COL11A2: variants seen among roughly 807,000 people sequenced by gnomAD.
COL11A2 encodes collagen alpha-2(XI) chain.
COL11A2 carries 116 observed loss-of-function variants against 273.4 expected under a neutral mutation model. The observed-to-expected ratio is 0.42, with a 90% CI of 0.36 to 0.49. COL11A2 has a LOEUF of 0.49. Ranked by LOEUF, COL11A2 falls within the 20% of genes least tolerant of loss-of-function variation. The pLI, the probability that COL11A2 is intolerant of heterozygous loss-of-function variation, is 0.00. For synonymous variants in COL11A2, 782 were observed against 864.2 expected (o/e 0.90, Z 1.67); for missense variants, 1,866 against 2,309.0 (o/e 0.81, Z 3.93).
rs1769197913 is a variant in COL11A2, at chr6:33,166,710, C to T, written c.4338+10G>A. On this transcript the variant is annotated intron_variant, in intron 59 of 65. Transcript: ENST00000341947. The surrounding 1 kb of genome is among the most constrained non-coding windows in gnomAD (Gnocchi z 4.8). ...CCCCCACAACTTCCGGGACCATGCC[C>T]TCTACTCACCATCTCACCCTTCTGC... 6.2e-7 allele frequency: 1 copy of T among 1,613,780 alleles called. No individual in the cohort carries two copies. The highest frequency in any genetic ancestry group is 8.5e-7 in the Non-Finnish European group (1 of 1,179,986).
rs764509712 is a variant in COL11A2, at chr6:33,167,845, G to A, written c.3968C>T (p.Ala1323Val). ...TCGCCCCTCGGAACCAGGCGAGCCAGCAGGACCCTGCAGGTGGAGTGGGAA... is the reference window on the plus strand; with the variant it reads ...TCGCCCCTCGGAACCAGGCGAGCCAACAGGACCCTGCAGGTGGAGTGGGAA... ...PPGPLGKRGP[A>V]GSPGSEGRQG... is the part of the protein sequence containing the mutation. Residue 1323 changes from alanine (A) to valine (V), a missense_variant, in exon 55 of 66, where the codon GCT (alanine) becomes GTT (valine). Ala to Val is a moderately conservative substitution (Grantham distance 64, BLOSUM62 0). Transcript: ENST00000341947. The surrounding 1 kb of genome is among the most constrained non-coding windows in gnomAD (Gnocchi z 6.1). 8 of 1,612,924 alleles carry A rather than the reference G, an allele frequency of 5.0e-6. No individual in the cohort carries two copies. In the East Asian group the frequency reaches 1.8e-4, roughly 36 times the overall value.
rs772860770 is a variant in COL11A2 at position 33,173,489 on chromosome 6, G to A, written c.2682+13C>T. On this transcript the variant is annotated intron_variant, in intron 36 of 65. Coordinates refer to ENST00000341947, the MANE Select transcript of COL11A2 (RefSeq NM_080680.3). The surrounding 1 kb of genome is among the most constrained non-coding windows in gnomAD (Gnocchi z 6.3). Reference sequence around the variant, plus strand: ...AGAGAAGCGAGGTGGGTCAGAGCTCGGGGTCAACTTACCGGGGGTCCTTTC... The same window carrying A: ...AGAGAAGCGAGGTGGGTCAGAGCTCAGGGTCAACTTACCGGGGGTCCTTTC... The A allele has an allele frequency of 5.0e-5, 80 of 1,612,364 alleles. No individual in the cohort carries two copies. Among genetic ancestry groups the A allele is most frequent in the South Asian group, 8.8e-5 (8 of 91,024 alleles).
Position 33,169,617 on chromosome 6 carries a change from T to C in COL11A2, c.3691-127A>G, listed in dbSNP as rs1769745913. The C allele has an allele frequency of 7.1e-6, 8 of 1,126,490 alleles. No individual in the cohort carries two copies. In the Admixed American group the frequency reaches 9.6e-5, roughly 14 times the overall value. 69.8% of individuals were successfully genotyped at this position (1,126,490 alleles called of 1,614,324 possible). A position where few individuals can be genotyped will look rare whatever the true frequency, so the allele number is the denominator to read the frequency against. On this transcript the variant is annotated intron_variant, in intron 50 of 65. Transcript: ENST00000341947. The surrounding 1 kb of genome is among the most constrained non-coding windows in gnomAD (Gnocchi z 5.5). The stretch of plus-strand genomic sequence containing the variant: ...GTGACAATGGGACATACACAGAAAG[T>C]CAAGCCTACAAGGGGAGTTCCCTAG...
At chr6:33,184,359 G>C (rs1370725833) in intron 7 of COL11A2, 35 bp from the exon 8 acceptor site, 1 of 1,335,684 alleles carries the variant, frequency 7.5e-7, no homozygotes, top group Admixed American at 1.9e-5. Context: ...GGGTAGATGG[G>C]GATGTTAGGG....
In COL11A2 at chr6:33,172,140, G is replaced by A. The variant is rs367736116; in HGVS notation, c.2989-37C>T. ...ACATTTGGGGAAGATGAGACTTCAC[G>A]AAAAGAGAAGGGTGAGAGCTGGAGA... On this transcript the variant is annotated intron_variant, in intron 40 of 65. Transcript: ENST00000341947. 4.9e-4 allele frequency: 784 copies of A among 1,611,558 alleles called. 5 individuals are homozygous for A. The highest frequency in any genetic ancestry group is 5.8e-5 in the Non-Finnish European group (68 of 1,179,040).
At chr6:33,192,054 T>C (rs754082449) in intron 1 of COL11A2, 105 bp downstream of exon 1, 3 of 1,078,124 alleles carry the variant, frequency 2.8e-6, no homozygotes, top group Non-Finnish European at 4.2e-6. Context: ...CAAATCTCCT[T>C]GTTAGACTCA....
chr6:33,190,354 C>G lies in COL11A2; in HGVS notation c.83-885G>C, dbSNP rs1772967682. ...AACCTCAATCCTGTCTCACCACCCC[C>G]ACCAACCCCACCACCTGGGACCCAA... is the stretch of plus-strand genomic sequence containing the variant. On this transcript the variant is annotated intron_variant, in intron 1 of 65. Coordinates refer to ENST00000341947, the MANE Select transcript of COL11A2 (RefSeq NM_080680.3). The surrounding 1 kb of genome is among the most constrained non-coding windows in gnomAD (Gnocchi z 4.5). Among the ~76,000 whole-genome samples the G allele has an allele frequency of 6.6e-6, 1 of 152,118 alleles. No homozygotes were observed. The highest frequency in any genetic ancestry group is 2.4e-5 in the African/African-American group (1 of 41,410).
In COL11A2 at chr6:33,185,744, G is replaced by A. The variant is rs770340871; in HGVS notation, c.833C>T (p.Pro278Leu). The A allele has an allele frequency of 1.5e-5, 21 of 1,362,780 alleles. No homozygotes were observed. In the Admixed American group the frequency reaches 3.8e-4, roughly 25 times the overall value. 84.4% of individuals were successfully genotyped at this position (1,362,780 alleles called of 1,614,324 possible). Residue 278 changes from proline to leucine, a missense_variant, in exon 6 of 66, where the codon CCC becomes CTC. Transcript: ENST00000341947. ...TESLYYDYEP[P>L]YYDVMTTGTT... ...CCCCGTAGTCATCACATCATAATAGGGGGGCTCGTAGTCATAGTAGAGAGA... is the reference window on the plus strand; with the variant it reads ...CCCCGTAGTCATCACATCATAATAGAGGGGCTCGTAGTCATAGTAGAGAGA...
At position 33,167,430 on chromosome 6, in the gene COL11A2, G is replaced by A; in HGVS notation, c.4118C>T (p.Ser1373Leu). The change falls in exon 56 of 66, where the codon TCA becomes TTA. Residue 1373 changes from serine (S) to leucine (L), a missense_variant. Ser to Leu is a moderately radical substitution (Grantham distance 145). Transcript: ENST00000341947. This position sits in a 1 kb window ranked among gnomAD's most constrained non-coding sequence, Gnocchi z 6.1. ...GPDGLRGLPG[S>L]VGQQGRPGAT... is the part of the protein sequence containing the mutation. Reference sequence around the variant, plus strand: ...CCCTTCCCTGCAGTGACTCACCACTGAGCCTGGGAGCCCCCTCAGACCATC... The same window carrying A: ...CCCTTCCCTGCAGTGACTCACCACTAAGCCTGGGAGCCCCCTCAGACCATC... 3 of 1,612,662 alleles carry A rather than the reference G, an allele frequency of 1.9e-6. No homozygotes were observed. Among genetic ancestry groups the A allele is most frequent in the South Asian group, 1.1e-5 (1 of 91,076 alleles).
At chr6:33,184,948 TG>T (rs1772188194) in intron 7 of COL11A2, 43 bp downstream of exon 7, 1 of 1,498,480 alleles carries the variant, frequency 6.7e-7, no homozygotes, top group Non-Finnish European at 9.1e-7. Context: ...GAGTCACAGG[TG>T]CCCACTGCCC....
chr6:33,172,617 G>T lies in COL11A2; in HGVS notation c.2811C>A (p.Gly937=), dbSNP rs1770272919. ...CTGGGTGACCTCTCTCCCCCATAGG[G>T]CCGGTTTCTCCTGCTGCTCCCTAGA... ...VGPQGAAGET[G]PMGERGHPGP... is the part of the protein sequence containing the mutation. Residue 937 remains glycine (G), a synonymous_variant, in exon 39 of 66, where the codon GGC becomes GGA. Coordinates refer to ENST00000341947, the MANE Select transcript of COL11A2 (RefSeq NM_080680.3). 3.7e-6 allele frequency: 6 copies of T among 1,612,454 alleles called. No homozygotes were observed. Among genetic ancestry groups the T allele is most frequent in the South Asian group, 1.1e-5 (1 of 91,072 alleles).
At chr6:33,168,634 G>A (rs1769547086) in intron 53 of COL11A2, 62 bp from the exon 54 acceptor site, 13 of 1,603,516 alleles carry the variant, frequency 8.1e-6, no homozygotes, top group Non-Finnish European at 1.1e-5. Context: ...CCCCTCAGGA[G>A]TGGGGCACAG....
rs769318106 is a variant in COL11A2, at chr6:33,179,734, G to A, written c.1431C>T (p.Ile477=). Residue 477 remains isoleucine (I), a synonymous_variant, in exon 13 of 66, where the codon ATC becomes ATT. Coordinates refer to ENST00000341947, the MANE Select transcript of COL11A2 (RefSeq NM_080680.3). The surrounding 1 kb of genome is among the most constrained non-coding windows in gnomAD (Gnocchi z 6.4). ...VAAQEAQAQA[I]LQQARLALRG... The stretch of plus-strand genomic sequence containing the variant: ...CCCCACTCACCCTCGCCTGCTGCAG[G>A]ATCGCCTGGGCCTGAGCCTCCTGGG... 2.5e-6 allele frequency: 4 copies of A among 1,612,204 alleles called. No individual in the cohort carries two copies. The South Asian group carries it at 3.3e-5, about 13-fold the overall frequency.
At chr6:33,168,429 C>T (rs1294901262) in intron 54 of COL11A2, 90 bp downstream of exon 54, 8 of 1,425,446 alleles carry the variant, frequency 5.6e-6, no homozygotes, top group Non-Finnish European at 7.9e-6. Flanking sequence ...CACCAGGCAC[C>T]TCCCCACCCA....
In COL11A2 at chr6:33,189,417, A is replaced by G. The variant is rs1313913159; in HGVS notation, c.135T>C (p.Asp45=). ...AGATGCCTTTCGCTCTCCGGACACC[A>G]TCAGGGAGGGAGGGGAACCTCAGGG... ...LRALRFPSLP[D]GVRRAKGICP... The change falls in exon 2 of 66, where the codon GAT becomes GAC. Residue 45 remains aspartate (D), a synonymous_variant. Coordinates refer to ENST00000341947, the MANE Select transcript of COL11A2 (RefSeq NM_080680.3). This position sits in a 1 kb window ranked among gnomAD's most constrained non-coding sequence, Gnocchi z 5.6. 1.2e-6 allele frequency: 2 copies of G among 1,613,108 alleles called. No homozygotes were observed. The highest frequency in any genetic ancestry group is 1.7e-5 in the Admixed American group (1 of 60,020).
In COL11A2 at chr6:33,189,197, C is replaced by T. The variant is rs1370025108; in HGVS notation, c.233-9G>A. On this transcript the variant is annotated splice_polypyrimidine_tract_variant and intron_variant, in intron 2 of 65. Coordinates refer to ENST00000341947, the MANE Select transcript of COL11A2 (RefSeq NM_080680.3). This position sits in a 1 kb window ranked among gnomAD's most constrained non-coding sequence, Gnocchi z 5.6. The stretch of plus-strand genomic sequence containing the variant: ...ATCTTTGGGAAATCCTCCTAGTAAC[C>T]GAGAGAGATACACACAGAGTGAGAG... The T allele has an allele frequency of 1.9e-6, 3 of 1,613,476 alleles. No individual in the cohort carries two copies. The highest frequency in any genetic ancestry group is 2.5e-6 in the Non-Finnish European group (3 of 1,179,708).
At position 33,166,443 on chromosome 6, in the gene COL11A2, C is replaced by T. The variant is rs148734752; in HGVS notation, c.4392+70G>A. The T allele has an allele frequency of 5.1e-4, 782 of 1,547,794 alleles. 3 individuals carry two copies. In the African/African-American group the frequency reaches 9.8e-3, roughly 19 times the overall value. Reference sequence around the variant, plus strand: ...GTTAGGCTGGTAGTTCCATGGAAGTCGTTGGGAGGCTGTGGGTGGGCAGCA... The same window carrying T: ...GTTAGGCTGGTAGTTCCATGGAAGTTGTTGGGAGGCTGTGGGTGGGCAGCA... On this transcript the variant is annotated intron_variant, in intron 60 of 65. Transcript: ENST00000341947. This position sits in a 1 kb window ranked among gnomAD's most constrained non-coding sequence, Gnocchi z 4.8.
intron 45 of COL11A2, 89 bp from the exon 46 acceptor site, chr6:33,171,006 G>T: frequency 6.3e-7 from 1 of 1,581,204 alleles, no homozygotes; most frequent in Non-Finnish European, 8.7e-7. Context: ...ACACAGCTGG[G>T]TGCCAGGCCC....
chr6:33,168,493 A>C (rs1769520279), intron 54 of COL11A2, 26 bp downstream of exon 54: 2 of 1,613,106 alleles, frequency 1.2e-6, no homozygotes, highest in Non-Finnish European at 1.7e-6. Flanking sequence ...CTGCCTCCCA[A>C]GGTCTCAGGG....
Sources: allele counts gnomAD v4.1 joint callset (sites outside exome capture counted in the v4.1 genomes callset), GRCh38; gene constraint gnomAD v4.1.1; non-coding constraint Gnocchi (gnomAD v3.1); transcripts MANE v1.5; gene names NCBI Gene and HGNC (gene_info 2026-07-23, HGNC 2026-07-21).